The following GCM2 variants were observed in gnomAD, a reference collection of about 807,000 sequenced individuals.
The protein encoded by GCM2 is GCM transcription factor 2.
A neutral mutation model predicts 24.8 loss-of-function variants in GCM2; 21 were observed. That is an observed-to-expected ratio of 0.85 (90% CI 0.60 to 1.22). The LOEUF is 1.22. GCM2 is among the 50% of genes most tolerant of loss of function. The pLI, the probability that GCM2 is intolerant of heterozygous loss-of-function variation, is 0.00. For synonymous variants in GCM2, 222 were observed against 238.0 expected (o/e 0.93, Z 0.62); for missense variants, 532 against 645.6 (o/e 0.82, Z 1.91).
Position 10,881,703 on chromosome 6 carries a change from C to T in GCM2, c.90+1G>A. Reference sequence around the variant, plus strand: ...TGCCCGCACACACCCGGTTCACTTACCTGAGGCATCTGCGGATCGTTGATG... The same window carrying T: ...TGCCCGCACACACCCGGTTCACTTATCTGAGGCATCTGCGGATCGTTGATG... On this transcript the variant is annotated splice_donor_variant, in intron 1 of 4. Coordinates refer to ENST00000379491, the MANE Select transcript of GCM2 (RefSeq NM_004752.4). LOFTEE classifies it high-confidence loss of function. 2 of 1,608,952 alleles carry T rather than the reference C, an allele frequency of 1.2e-6. No homozygotes were observed. The highest frequency in any genetic ancestry group is 1.7e-6 in the Non-Finnish European group (2 of 1,177,484).
intron 1 of GCM2, among the ~76,000 whole-genome samples, chr6:10,880,385 G>T (rs573442274): frequency 6.6e-6 from 1 of 152,154 alleles, no homozygotes; most frequent in Non-Finnish European, 1.5e-5. Context: ...ACACAATGTT[G>T]CAATGAATTG....
At position 10,874,656 on chromosome 6, in the gene GCM2, G is replaced by A. The variant is rs780138430; in HGVS notation, c.860C>T (p.Pro287Leu). The A allele has an allele frequency of 3.1e-6, 5 of 1,614,042 alleles. No individual in the cohort carries two copies. In the African/African-American group the frequency reaches 6.7e-5, roughly 22 times the overall value. ...GGAATCCTTATAAAGGGTGGGATAT[G>A]GGCTTGAATTTGTATAACCAGGGTT... is the stretch of plus-strand genomic sequence containing the variant. ...LANPGYTNSSPYPTLYKDSTS... is the reference protein window; with the variant it reads ...LANPGYTNSSLYPTLYKDSTS... The change falls in exon 5 of 5, where the codon CCA becomes CTA. Residue 287 changes from proline to leucine, a missense_variant. By Grantham distance (98) the Pro-to-Leu change is moderately conservative (BLOSUM62 -3). Around this residue, in one of 3 missense-constraint regions of GCM2, gnomAD observed 434 missense variants for 521.9 expected, o/e 0.83. Coordinates refer to ENST00000379491, the MANE Select transcript of GCM2 (RefSeq NM_004752.4).
chr6:10,881,564 G>C, intron 1 of GCM2, 140 bp downstream of exon 1: 3 of 137,108 alleles, frequency 2.2e-5, no homozygotes, highest in Non-Finnish European at 5.1e-5. Context: ...ATGTGTGTGT[G>C]TGTGTGTGTG....
rs753255067 is a variant in GCM2 at position 10,877,127 on chromosome 6, C to A, written c.343+13G>T. ...ACTCCAAGGTCACCCTCTCCCTGGC[C>A]CCATGTCCTCACTCTGCTGTTTCAG... On this transcript the variant is annotated intron_variant, in intron 2 of 4. Transcript: ENST00000379491. The A allele has an allele frequency of 1.9e-6, 3 of 1,610,056 alleles. No homozygotes were observed. Among genetic ancestry groups the A allele is most frequent in the Non-Finnish European group, 2.5e-6 (3 of 1,179,906 alleles).
In GCM2 at chr6:10,877,201, G is replaced by C; in HGVS notation, c.282C>G (p.Pro94=). Reference sequence around the variant, plus strand: ...GCCTCAGCTGCAGGCGGGAACCGTCGGGCAGGGTGCAGGCCTGTGTACACA... The same window carrying C: ...GCCTCAGCTGCAGGCGGGAACCGTCCGGCAGGGTGCAGGCCTGTGTACACA... ...VVVCTQACTL[P]DGSRLQLRPA... Residue 94 remains proline, a synonymous_variant, in exon 2 of 5, where the codon CCC becomes CCG. Coordinates refer to ENST00000379491, the MANE Select transcript of GCM2 (RefSeq NM_004752.4). The C allele has an allele frequency of 1.2e-6, 2 of 1,614,002 alleles. No homozygotes were observed. The highest frequency in any genetic ancestry group is 2.2e-5 in the South Asian group (2 of 91,084).
intron 1 of GCM2, among the ~76,000 whole-genome samples, 153 bp downstream of exon 1, chr6:10,881,551 G>GGT (rs1215744211): frequency 2.3e-4 from 29 of 128,254 alleles, no homozygotes; most frequent in African/African-American, 7.8e-4. Flanking sequence ...AAATTTTGCG[G>GGT]GTATGTGTGT....
chr6:10,881,150 C>A (rs1389072824), intron 1 of GCM2, among the ~76,000 whole-genome samples: 1 of 151,216 alleles, frequency 6.6e-6, no homozygotes, highest in East Asian at 1.9e-4. Flanking sequence ...AGACACATTT[C>A]TTCTTCTTCT....
At chr6:10,879,396 AT>A (rs1779927663) in intron 1 of GCM2, among the ~76,000 whole-genome samples, 1 of 152,172 alleles carries the variant, frequency 6.6e-6, no homozygotes, top group African/African-American at 2.4e-5. Context: ...CAGAGATTGT[AT>A]TTTTAAAATC....
At chr6:10,880,672 G>C (rs1779945292) in intron 1 of GCM2, among the ~76,000 whole-genome samples, 1 of 152,130 alleles carries the variant, frequency 6.6e-6, no homozygotes, top group Non-Finnish European at 1.5e-5. Flanking sequence ...CTTTGGACTT[G>C]GCTCCAAACC....
Position 10,874,646 on chromosome 6 carries a change from G to T in GCM2, c.870C>A (p.Thr290=). The T allele has an allele frequency of 6.2e-7, 1 of 1,614,194 alleles. No individual in the cohort carries two copies. Among genetic ancestry groups the T allele is most frequent in the Non-Finnish European group, 8.5e-7 (1 of 1,180,026 alleles). The change falls in exon 5 of 5, where the codon ACC becomes ACA. Residue 290 remains threonine, a synonymous_variant. Transcript: ENST00000379491. ...GGATACTGGTGGAATCCTTATAAAG[G>T]GTGGGATATGGGCTTGAATTTGTAT... ...PGYTNSSPYP[T]LYKDSTSIPN...
At chr6:10,880,102 A>G (rs550604610) in intron 1 of GCM2, among the ~76,000 whole-genome samples, 68 of 152,224 alleles carry the variant, frequency 4.5e-4, no homozygotes, top group African/African-American at 1.6e-3. Flanking sequence ...CTAAAAATAC[A>G]AAATTAGCTG....
In GCM2 at chr6:10,875,909, CTT is replaced by C; in HGVS notation, c.562_563del (p.Lys188GlufsTer30). The C allele has an allele frequency of 6.2e-7, 1 of 1,614,090 alleles. No homozygotes were observed. The highest frequency in any genetic ancestry group is 1.1e-5 in the South Asian group (1 of 91,082). ...CTGTTACCTCGGATTCTCGAATTCT[CTT>C]TTTCTGGGGTTGGTAGAAAGAGGCC... ...QMASFYQPQKKRIRESEAEEN... is the reference protein window; with the variant it reads ...QMASFYQPQKXRIRESEAEEN... On this transcript the variant is annotated frameshift_variant, in exon 4 of 5. Transcript: ENST00000379491. LOFTEE classifies it low-confidence loss of function (END_TRUNC).
rs777831208 is a variant in GCM2 at position 10,877,267 on chromosome 6, G to A, written c.216C>T (p.His72=). The part of the protein sequence containing the change: ...SGWAMRNTNN[H]NGHILKKSCL... Reference sequence around the variant, plus strand: ...ACGACTTCTTGAGGATGTGGCCATTGTGGTTGTTGGTGTTGCGCATGGCCC... The same window carrying A: ...ACGACTTCTTGAGGATGTGGCCATTATGGTTGTTGGTGTTGCGCATGGCCC... The change falls in exon 2 of 5, where the codon CAC becomes CAT. Residue 72 remains histidine (H), a synonymous_variant. Coordinates refer to ENST00000379491, the MANE Select transcript of GCM2 (RefSeq NM_004752.4). 7 of 1,614,104 alleles carry A rather than the reference G, an allele frequency of 4.3e-6. No homozygotes were observed. In the African/African-American group the frequency reaches 6.7e-5, roughly 15 times the overall value.
At chr6:10,878,901 A>G (rs564560648) in intron 1 of GCM2, among the ~76,000 whole-genome samples, 25 of 152,354 alleles carry the variant, frequency 1.6e-4, no homozygotes, top group African/African-American at 5.0e-4. Flanking sequence ...AGAAGAGTGT[A>G]TAATAGCAGT....
chr6:10,880,751 A>G (rs1018422616), intron 1 of GCM2, among the ~76,000 whole-genome samples: 12 of 152,232 alleles, frequency 7.9e-5, no homozygotes, highest in African/African-American at 2.9e-4. Flanking sequence ...TTTGCTTGTC[A>G]TTAGAGAAGA....
chr6:10,875,792 C>T (rs1013074535), intron 4 of GCM2, 99 bp downstream of exon 4: 2 of 1,186,746 alleles, frequency 1.7e-6, no homozygotes, highest in Admixed American at 1.7e-5. Context: ...AAATCAAACC[C>T]TTGTAATTAA....
rs751361439 is a variant in GCM2 at position 10,881,731 on chromosome 6, C to G, written c.63G>C (p.Trp21Cys). The G allele has an allele frequency of 6.2e-7, 1 of 1,611,808 alleles. No homozygotes were observed. ...GAGGCATCTGCGGATCGTTGATGTC[C>G]CAGCTGAGCTGCATCCCGTAGGAGC... ...GVCSYGMQLS[W>C]DINDPQMPQE... Residue 21 changes from tryptophan (W) to cysteine (C), a missense_variant, in exon 1 of 5, where the codon TGG (tryptophan) becomes TGC (cysteine). Trp to Cys is a radical substitution (Grantham distance 215). This residue lies in a region of GCM2 where 96 missense variants were observed against 103.5 expected (regional missense o/e 0.93). Transcript: ENST00000379491.
At position 10,873,861 on chromosome 6, in the gene GCM2, C is replaced by T; in HGVS notation, c.*134G>A. ...CCAACTGATTATTTTCTCAGTTACT[C>T]AGAATTTTTACTACTATCTGTGTTT... On this transcript the variant is annotated 3_prime_UTR_variant, in exon 5 of 5. Coordinates refer to ENST00000379491, the MANE Select transcript of GCM2 (RefSeq NM_004752.4). 1.4e-6 allele frequency: 1 copy of T among 739,618 alleles called. No homozygotes were observed. The highest frequency in any genetic ancestry group is 2.0e-5 in the Admixed American group (1 of 49,544). 45.8% of individuals were successfully genotyped at this position (739,618 alleles called of 1,614,324 possible). A position where few individuals can be genotyped will look rare whatever the true frequency, so the allele number is the denominator to read the frequency against.
In GCM2 at chr6:10,881,853, G is replaced by T; in HGVS notation, c.-60C>A. 7.4e-7 allele frequency: 1 copy of T among 1,357,974 alleles called. No homozygotes were observed. Among genetic ancestry groups the T allele is most frequent in the Non-Finnish European group, 1.0e-6 (1 of 962,382 alleles). The allele number at this position is 1,357,974 out of a possible 1,614,324, so 84.1% of individuals were successfully genotyped here. ...CTGAAAAATAGAAGAAAAAAGGACA[G>T]GTGCGCCAGGTGGGTTTTTTTTCTT... On this transcript the variant is annotated 5_prime_UTR_variant, in exon 1 of 5. It adds an upstream start codon to the 5' untranslated region. Transcript: ENST00000379491.
Sources: allele counts gnomAD v4.1 joint callset (sites outside exome capture counted in the v4.1 genomes callset), GRCh38; gene constraint gnomAD v4.1.1; regional missense constraint gnomAD v4.1.1; transcripts MANE v1.5; gene names NCBI Gene and HGNC (gene_info 2026-07-23, HGNC 2026-07-21).